Variants in FBXL17 observed in about 807,000 individuals in gnomAD.
FBXL17 encodes the protein F-box/LRR-repeat protein 17.
In FBXL17, 22 loss-of-function variants were observed where a neutral mutation model predicts 66.2. The observed-to-expected ratio is 0.33, with a 90% confidence interval of 0.24 to 0.47. FBXL17 has a LOEUF of 0.47. Among genes scored for constraint, FBXL17 ranks in the 20% least tolerant of loss-of-function variants. FBXL17 has a pLI of 1.00. For missense variants in FBXL17, 878 were observed against 948.2 expected, an observed-to-expected ratio of 0.93 and a Z score of 0.97; for synonymous variants, 474 against 400.5, an observed-to-expected ratio of 1.18 and a Z score of -2.19.
At chr5:108,007,474 A>C (rs563186849) in intron 7 of FBXL17, among the ~76,000 whole-genome samples, 62 of 152,146 alleles carry the variant, frequency 4.1e-4, no homozygotes, top group Non-Finnish European at 7.8e-4. Context: ...AATAGTCCAA[A>C]AATACACTAC....
chr5:108,092,046 T>C (rs996283494), intron 6 of FBXL17, among the ~76,000 whole-genome samples: 2 of 152,242 alleles, frequency 1.3e-5, no homozygotes, highest in African/African-American at 4.8e-5. Flanking sequence ...GCTTTGGCGC[T>C]GTCCTGTAAT....
At chr5:107,913,919 T>A (rs767123523) in intron 7 of FBXL17, among the ~76,000 whole-genome samples, 2 of 151,568 alleles carry the variant, frequency 1.3e-5, no homozygotes, top group African/African-American at 4.8e-5. Context: ...TGGATGATAT[T>A]ATGTAGACAG....
chr5:108,040,794 TA>T (rs1747016204), intron 6 of FBXL17, among the ~76,000 whole-genome samples: 1 of 152,194 alleles, frequency 6.6e-6, no homozygotes. Context: ...ATGAGGTTTT[TA>T]CCGTGGAAGT....
intron 6 of FBXL17, among the ~76,000 whole-genome samples, chr5:108,160,120 G>A (rs1462285628): frequency 1.3e-5 from 2 of 152,100 alleles, no homozygotes; most frequent in Admixed American, 6.5e-5. Context: ...TTGTACTCAC[G>A]TTGGCCAGGT....
intron 7 of FBXL17, among the ~76,000 whole-genome samples, chr5:107,984,384 A>G (rs1752938967): frequency 6.6e-6 from 1 of 152,160 alleles, no homozygotes; most frequent in South Asian, 2.1e-4. Context: ...GTGAGCACAT[A>G]TTGTTGGAAT....
At chr5:108,327,929 C>T (rs1374317923) in intron 4 of FBXL17, among the ~76,000 whole-genome samples, 1 of 152,104 alleles carries the variant, frequency 6.6e-6, no homozygotes, top group East Asian at 1.9e-4. Flanking sequence ...ATTTAATCTT[C>T]TCAACAAAAT....
intron 4 of FBXL17, among the ~76,000 whole-genome samples, chr5:108,301,594 A>G (rs972662583): frequency 6.6e-6 from 1 of 151,828 alleles, no homozygotes; most frequent in African/African-American, 2.4e-5. Flanking sequence ...TTTAAATTGC[A>G]GTACCATAGG....
chr5:108,245,735 G>A (rs1352725059), intron 4 of FBXL17, among the ~76,000 whole-genome samples: 1 of 152,068 alleles, frequency 6.6e-6, no homozygotes, highest in Non-Finnish European at 1.5e-5. Context: ...TTTTGGCAGA[G>A]AGGAAAAAAA....
intron 8 of FBXL17, chr5:107,879,350 A>C (rs1034101644): frequency 1.0e-6 from 1 of 985,294 alleles, no homozygotes; most frequent in Non-Finnish European, 1.2e-6. Context: ...GACTATGCCT[A>C]TGGTGGACCC....
At chr5:107,971,776 T>C (rs1368461896) in intron 7 of FBXL17, among the ~76,000 whole-genome samples, 1 of 152,192 alleles carries the variant, frequency 6.6e-6, no homozygotes, top group Non-Finnish European at 1.5e-5. Context: ...CACATGATTA[T>C]TGGCATTTTA....
chr5:108,064,853 C>T (rs1304441322), intron 6 of FBXL17, among the ~76,000 whole-genome samples: 4 of 152,054 alleles, frequency 2.6e-5, no homozygotes, highest in Non-Finnish European at 5.9e-5. Flanking sequence ...AGCAGAGGAT[C>T]TCATCTGGGA....
At chr5:108,234,831 C>G (rs1228066272) in intron 4 of FBXL17, among the ~76,000 whole-genome samples, 1 of 151,950 alleles carries the variant, frequency 6.6e-6, no homozygotes, top group Non-Finnish European at 1.5e-5. Context: ...AAAGTAGTAA[C>G]TGGAATCCAA....
At chr5:107,885,957 AAAT>A (rs1474649434) in intron 7 of FBXL17, among the ~76,000 whole-genome samples, 2 of 152,008 alleles carry the variant, frequency 1.3e-5, no homozygotes, top group Non-Finnish European at 2.9e-5. Flanking sequence ...AATAAAAAAA[AAAT>A]GTGTAAGAAT....
chr5:108,018,589 T>G (rs1317600405), intron 7 of FBXL17, among the ~76,000 whole-genome samples: 1 of 152,104 alleles, frequency 6.6e-6, no homozygotes, highest in Non-Finnish European at 1.5e-5. Context: ...CGCCAACATT[T>G]TGGAGAACAG....
At chr5:107,918,662 A>C (rs1219775369) in intron 7 of FBXL17, among the ~76,000 whole-genome samples, 1 of 152,230 alleles carries the variant, frequency 6.6e-6, no homozygotes, top group African/African-American at 2.4e-5. Flanking sequence ...CAGTATCTGT[A>C]TTTGAAATAG....
At chr5:108,055,896 T>C (rs1172855049) in intron 6 of FBXL17, among the ~76,000 whole-genome samples, 147 of 152,182 alleles carry the variant, frequency 9.7e-4, no homozygotes, top group Non-Finnish European at 1.8e-4. Flanking sequence ...TTAGCTTAGT[T>C]TGAAAGTAAA....
At chr5:108,366,878 C>T (rs1009585262) in intron 2 of FBXL17, among the ~76,000 whole-genome samples, 10 of 152,216 alleles carry the variant, frequency 6.6e-5, no homozygotes, top group African/African-American at 2.4e-4. Flanking sequence ...GTGTTATATA[C>T]ACACAAACAC....
chr5:107,861,523 G>C lies in FBXL17; in HGVS notation c.*197C>G. Reference sequence around the variant, plus strand: ...GGCTTTCATAATCTTTAATTTCTAAGAAAAAAAGCCAGCTCACTTGGGAAC... The same window carrying C: ...GGCTTTCATAATCTTTAATTTCTAACAAAAAAAGCCAGCTCACTTGGGAAC... On this transcript the variant is annotated 3_prime_UTR_variant, in exon 9 of 9. Transcript: ENST00000542267. The C allele has an allele frequency of 2.3e-6, 1 of 429,796 alleles. No individual in the cohort carries two copies. Among genetic ancestry groups the C allele is most frequent in the Non-Finnish European group, 3.8e-6 (1 of 261,102 alleles). 26.6% of individuals were successfully genotyped at this position (429,796 alleles called of 1,614,324 possible). A position where few individuals can be genotyped will look rare whatever the true frequency, so the allele number is the denominator to read the frequency against.
At chr5:107,948,186 C>A (rs990883216) in intron 7 of FBXL17, among the ~76,000 whole-genome samples, 2 of 151,922 alleles carry the variant, frequency 1.3e-5, no homozygotes, top group African/African-American at 2.4e-5. Context: ...AGAAATAAAC[C>A]TTTTGAAAGT....
Sources: gnomAD v4.1 joint callset for allele counts (sites outside exome capture counted in the v4.1 genomes callset) on GRCh38, gnomAD v4.1.1 for gene constraint, MANE v1.5 for transcripts, NCBI Gene and HGNC (gene_info 2026-07-23, HGNC 2026-07-21) for gene names.